RPA1: variants seen among roughly 807,000 people sequenced by gnomAD.
The protein encoded by RPA1 is replication protein A1.
Under a neutral mutation model 83.0 loss-of-function variants are expected in RPA1, and 49 were observed. The observed-to-expected ratio is 0.59, with a 90% confidence interval of 0.47 to 0.75. The LOEUF (loss-of-function observed/expected upper bound fraction) is 0.75. Ranked by LOEUF, RPA1 falls within the 30% of genes least tolerant of loss-of-function variation. The pLI is 0.00. For missense variants in RPA1, 693 were observed against 776.1 expected, an observed-to-expected ratio of 0.89 and a Z score of 1.27; for synonymous variants, 279 against 281.8, an observed-to-expected ratio of 0.99 and a Z score of 0.10.
At chr17:1,857,218 T>C (rs570235705) in intron 5 of RPA1, among the ~76,000 whole-genome samples, 2 of 152,022 alleles carry the variant, frequency 1.3e-5, no homozygotes, top group East Asian at 3.9e-4. Flanking sequence ...TTTAGAAATG[T>C]GTTTAGTTTT....
In RPA1 at chr17:1,844,629, C is replaced by G. The variant is rs1325469305; in HGVS notation, c.215C>G (p.Ser72Cys). The G allele has an allele frequency of 6.2e-7, 1 of 1,613,770 alleles. No individual in the cohort carries two copies. The highest frequency in any genetic ancestry group is 1.7e-5 in the Admixed American group (1 of 59,976). The change falls in exon 4 of 17, where the codon TCC becomes TGC. Residue 72 changes from serine (S) to cysteine (C), a missense_variant. Physicochemically the swap from Ser to Cys is moderately radical, Grantham distance 112. Coordinates refer to ENST00000254719, the MANE Select transcript of RPA1 (RefSeq NM_002945.5). ...CCTCTCGTGGAGGAAGAACAATTGT[C>G]CAGCAACTGTGTATGCCAGATTCAC... ...LNPLVEEEQLSSNCVCQIHRF... is the reference protein window; with the variant it reads ...LNPLVEEEQLCSNCVCQIHRF...
At chr17:1,895,212 T>G in intron 16 of RPA1, 117 bp downstream of exon 16, 2 of 716,998 alleles carry the variant, frequency 2.8e-6, no homozygotes, top group South Asian at 3.9e-5. Context: ...ACCCCGGTGC[T>G]GACTTTGCCC....
intron 14 of RPA1, among the ~76,000 whole-genome samples, chr17:1,891,058 G>A (rs1401240192): frequency 6.6e-6 from 1 of 152,150 alleles, no homozygotes; most frequent in Non-Finnish European, 1.5e-5. Flanking sequence ...TCTATTAAAA[G>A]CCTTGTACCC....
At chr17:1,835,720 CA>C (rs1055426199) in intron 1 of RPA1, among the ~76,000 whole-genome samples, 82 of 151,960 alleles carry the variant, frequency 5.4e-4, no homozygotes, top group Admixed American at 1.6e-3. Flanking sequence ...TATTTTAGTG[CA>C]AAAAAAATTT....
At chr17:1,830,922 CACTCGGCT>C (rs1911539242) in intron 1 of RPA1, among the ~76,000 whole-genome samples, 1 of 151,958 alleles carries the variant, frequency 6.6e-6, no homozygotes, top group Non-Finnish European at 1.5e-5. Context: ...TGCGCCACCA[CACTCGGCT>C]ACTTTTTGTG....
In RPA1 at chr17:1,897,206, C is replaced by A; in HGVS notation, c.*31C>A. ...GCAGTGCCAATCGGGCAGAAGTTTG[C>A]AAATAGGCAGAATGGAATCGATTTC... On this transcript the variant is annotated 3_prime_UTR_variant, in exon 17 of 17. Coordinates refer to ENST00000254719, the MANE Select transcript of RPA1 (RefSeq NM_002945.5). The A allele has an allele frequency of 6.8e-7, 1 of 1,479,328 alleles. No homozygotes were observed. The highest frequency in any genetic ancestry group is 9.2e-7 in the Non-Finnish European group (1 of 1,086,824). 91.6% of individuals were successfully genotyped at this position (1,479,328 alleles called of 1,614,324 possible).
chr17:1,896,964 G>A (rs1345120297), intron 16 of RPA1, 107 bp from the exon 17 acceptor site: 3 of 862,666 alleles, frequency 3.5e-6, no homozygotes, highest in Middle Eastern at 2.2e-4. Context: ...CTGAACCCGT[G>A]CGTCTGTTCC....
chr17:1,883,069 C>T lies in RPA1; in HGVS notation c.1242-743C>T, dbSNP rs1402294917. 3.9e-5 allele frequency among the ~76,000 whole-genome samples: 6 copies of T among 152,138 alleles called. No homozygotes were observed. The East Asian group carries it at 1.2e-3, about 29-fold the overall frequency. ...GAGCAGTGCCTCACGCCCTGTAATC[C>T]CAGCACTTTGGGAGGCCGAGGGAGG... On this transcript the variant is annotated intron_variant, in intron 12 of 16. Coordinates refer to ENST00000254719, the MANE Select transcript of RPA1 (RefSeq NM_002945.5).
chr17:1,853,819 C>T (rs937330875), intron 5 of RPA1, among the ~76,000 whole-genome samples: 3 of 152,310 alleles, frequency 2.0e-5, no homozygotes, highest in East Asian at 1.9e-4. Context: ...GACTTATGTA[C>T]ACTTTTGTTT....
intron 4 of RPA1, among the ~76,000 whole-genome samples, chr17:1,851,600 GGAT>G (rs1290555554): frequency 6.6e-6 from 1 of 152,024 alleles, no homozygotes; most frequent in African/African-American, 2.4e-5. Context: ...AGGATTTATG[GGAT>G]ATTGCAGGAT....
chr17:1,860,076 GC>G (rs59117468), intron 5 of RPA1, among the ~76,000 whole-genome samples: 9,000 of 152,262 alleles, frequency 0.059, 876 homozygotes, highest in African/African-American at 0.2. Flanking sequence ...CTCCCAAAGT[GC>G]TGGGGTTAAA....
intron 5 of RPA1, among the ~76,000 whole-genome samples, chr17:1,863,598 A>G (rs1189280483): frequency 3.3e-5 from 5 of 152,156 alleles, no homozygotes; most frequent in African/African-American, 2.4e-5. Context: ...CAGGTAATCC[A>G]CCTGCCTCGG....
chr17:1,845,469 G>C (rs1300038540), intron 4 of RPA1, among the ~76,000 whole-genome samples: 2 of 152,144 alleles, frequency 1.3e-5, no homozygotes, highest in Non-Finnish European at 2.9e-5. Context: ...CCAGGAGTTT[G>C]AGACTGCAGT....
chr17:1,849,200 A>G (rs1018461758), intron 4 of RPA1, among the ~76,000 whole-genome samples: 5 of 151,192 alleles, frequency 3.3e-5, no homozygotes, highest in Admixed American at 6.6e-5. Context: ...CACTCCATAG[A>G]GTTTCAGTTA....
chr17:1,891,446 G>A (rs904835417), intron 14 of RPA1, among the ~76,000 whole-genome samples: 1 of 151,702 alleles, frequency 6.6e-6, no homozygotes, highest in Non-Finnish European at 1.5e-5. Flanking sequence ...AATCTGATGG[G>A]CCTCTCTCTG....
chr17:1,875,931 T>TC, intron 7 of RPA1, 138 bp downstream of exon 7: 1 of 940,106 alleles, frequency 1.1e-6, no homozygotes, highest in Non-Finnish European at 1.4e-6. Context: ...TCTTTTTTTT[T>TC]TTTTTTTTTG....
intron 1 of RPA1, among the ~76,000 whole-genome samples, chr17:1,832,122 G>A (rs1423356345): frequency 6.6e-6 from 1 of 151,532 alleles, no homozygotes; most frequent in Non-Finnish European, 1.5e-5. Context: ...TAGACACGGG[G>A]GTTTCACCAT....
At chr17:1,879,442 A>G (rs1913693293) in intron 10 of RPA1, 35 bp downstream of exon 10, 1 of 1,611,738 alleles carries the variant, frequency 6.2e-7, no homozygotes, top group South Asian at 1.1e-5. Flanking sequence ...AGCAGGGATG[A>G]CTAGCTTTCT....
At chr17:1,852,739 A>G (rs1912543788) in intron 4 of RPA1, among the ~76,000 whole-genome samples, 1 of 152,230 alleles carries the variant, frequency 6.6e-6, no homozygotes, top group African/African-American at 2.4e-5. Context: ...TATTGTCATA[A>G]TTGGTTTTCA....
Sources: allele counts gnomAD v4.1 joint callset (sites outside exome capture counted in the v4.1 genomes callset), GRCh38; gene constraint gnomAD v4.1.1; transcripts MANE v1.5; gene names NCBI Gene and HGNC (gene_info 2026-07-23, HGNC 2026-07-21).